MOSMO: variants seen among roughly 807,000 people sequenced by gnomAD.
The protein encoded by MOSMO is modulator of smoothened protein.
A neutral mutation model predicts 18.4 loss-of-function variants in MOSMO; 5 were observed. The observed-to-expected ratio is 0.27, with a 90% CI of 0.14 to 0.57. The LOEUF (loss-of-function observed/expected upper bound fraction) is 0.57. Among genes scored for constraint, MOSMO ranks in the 20% least tolerant of loss-of-function variants. The pLI, the probability that MOSMO is intolerant of heterozygous loss-of-function variation, is 0.92. For synonymous variants in MOSMO, 82 were observed against 82.3 expected, an observed-to-expected ratio of 1.00 and a Z score of 0.02; for missense variants, 138 against 211.8, an observed-to-expected ratio of 0.65 and a Z score of 2.16.
intron 1 of MOSMO, among the ~76,000 whole-genome samples, chr16:22,057,841 A>T (rs533468935): frequency 6.6e-6 from 1 of 152,332 alleles, no homozygotes; most frequent in African/African-American, 2.4e-5. Flanking sequence ...GAAGTGCAGG[A>T]GTTAGCAAGA....
chr16:22,072,652 A>C lies in MOSMO; in HGVS notation c.107-2835A>C, dbSNP rs565336579. 2.3e-4 allele frequency among the ~76,000 whole-genome samples: 35 copies of C among 152,248 alleles called. No homozygotes were observed. In the East Asian group the frequency reaches 5.0e-3, roughly 22 times the overall value. ...CGGTGAAACCCCGTCTCTACTAAAAATACAAAAAAATTAGCCGGGCGTAGT... is the reference window on the plus strand; with the variant it reads ...CGGTGAAACCCCGTCTCTACTAAAACTACAAAAAAATTAGCCGGGCGTAGT... On this transcript the variant is annotated intron_variant, in intron 1 of 2. Transcript: ENST00000542527.
At chr16:22,008,533 G>A (rs1456209815) in intron 1 of MOSMO, 126 bp downstream of exon 1, 3 of 615,712 alleles carry the variant, frequency 4.9e-6, no homozygotes, top group African/African-American at 1.9e-5. Context: ...GGAGACCGGG[G>A]GCGGAGGGGA....
intron 1 of MOSMO, among the ~76,000 whole-genome samples, chr16:22,061,732 G>C (rs1030574137): frequency 6.6e-6 from 1 of 152,300 alleles, no homozygotes; most frequent in East Asian, 1.9e-4. Context: ...AAGATCATGA[G>C]AAACCTTCTC....
intron 1 of MOSMO, among the ~76,000 whole-genome samples, chr16:22,055,726 G>A (rs1900519722): frequency 6.6e-6 from 1 of 152,096 alleles, no homozygotes; most frequent in Non-Finnish European, 1.5e-5. Context: ...AGTCTTTAAT[G>A]CAAATAAGTT....
chr16:22,038,479 G>T (rs975784070), intron 1 of MOSMO, among the ~76,000 whole-genome samples: 2 of 152,114 alleles, frequency 1.3e-5, no homozygotes, highest in African/African-American at 4.8e-5. Flanking sequence ...CATAACAGAG[G>T]GATAGATTTT....
intron 1 of MOSMO, among the ~76,000 whole-genome samples, chr16:22,073,061 CAG>C (rs1404575006): frequency 1.3e-5 from 2 of 152,048 alleles, no homozygotes; most frequent in Non-Finnish European, 2.9e-5. Context: ...GTGTGCTAGA[CAG>C]AGGAGGAGGA....
chr16:22,051,757 G>T (rs1459188441), intron 1 of MOSMO, among the ~76,000 whole-genome samples: 2 of 152,160 alleles, frequency 1.3e-5, no homozygotes, highest in African/African-American at 4.8e-5. Flanking sequence ...AGTTTTGGAG[G>T]CCCCGGCTTG....
downstream of MOSMO, among the ~76,000 whole-genome samples, chr16:22,091,574 A>G (rs1901327609): frequency 6.6e-6 from 1 of 152,070 alleles, no homozygotes; most frequent in African/African-American, 2.4e-5. Context: ...TTATTTTTGT[A>G]GAGACAGAGT....
intron 1 of MOSMO, among the ~76,000 whole-genome samples, chr16:22,063,801 A>G (rs534484388): frequency 1.3e-5 from 2 of 152,208 alleles, no homozygotes; most frequent in Admixed American, 6.5e-5. Context: ...AAGTCCTTAG[A>G]TGCACTATCA....
In MOSMO at chr16:22,084,444, C is replaced by T. The variant is rs1365596330; in HGVS notation, c.*3564C>T. On this transcript the variant is annotated 3_prime_UTR_variant, in exon 3 of 3. Coordinates refer to ENST00000542527, the MANE Select transcript of MOSMO (RefSeq NM_001164579.2). ...TACACAGGACTTTTAGTTGTATCAC[C>T]TCAAGAGATTTTGAAGTTTGTGATC... is the stretch of plus-strand genomic sequence containing the variant. 2 of 152,120 alleles carry T rather than the reference C, an allele frequency of 1.3e-5. No homozygotes were observed. The highest frequency in any genetic ancestry group is 2.9e-5 in the Non-Finnish European group (2 of 68,016). 9.4% of individuals were successfully genotyped at this position (152,120 alleles called of 1,614,324 possible).
chr16:22,037,266 G>A (rs772884168), intron 1 of MOSMO, among the ~76,000 whole-genome samples: 5 of 152,116 alleles, frequency 3.3e-5, no homozygotes, highest in African/African-American at 4.8e-5. Context: ...ATGAGACTTG[G>A]TCTCTAAAAA....
chr16:22,020,373 C>CAA (rs1899733626), intron 1 of MOSMO, among the ~76,000 whole-genome samples: 1 of 145,866 alleles, frequency 6.9e-6, no homozygotes, highest in Admixed American at 6.9e-5. Context: ...CGGATCACTG[C>CAA]AACCTCCGCC....
At chr16:22,048,770 T>C (rs760447844) in intron 1 of MOSMO, among the ~76,000 whole-genome samples, 5 of 152,142 alleles carry the variant, frequency 3.3e-5, no homozygotes, top group Admixed American at 6.5e-5. Context: ...TTTTTCTTTA[T>C]GGGTTCAGGG....
chr16:22,008,816 C>G (rs867777403), intron 1 of MOSMO, among the ~76,000 whole-genome samples: 35 of 151,492 alleles, frequency 2.3e-4, no homozygotes, highest in Admixed American at 4.6e-4. Flanking sequence ...AATTAGAAAC[C>G]AGGCGGAGAG....
In MOSMO at chr16:22,009,804, C is replaced by CAAAAAAAAAAAAAAA. The variant is rs56313303; in HGVS notation, c.106+1416_106+1430dup. Among the ~76,000 whole-genome samples, 21 of 35,966 alleles carry CAAAAAAAAAAAAAAA rather than the reference C, an allele frequency of 5.8e-4. 1 individual carries two copies. Among genetic ancestry groups the CAAAAAAAAAAAAAAA allele is most frequent in the East Asian group, 2.5e-3 (2 of 792 alleles). The allele number at this position is 35,966 out of a possible 152,430, so 23.6% of individuals were successfully genotyped here. Reference sequence around the variant, plus strand: ...CGAAACCCCGTCTCTACTAAAAATACAAAAAAAAAAAAAAAAAAAAAAAAA... The same window carrying CAAAAAAAAAAAAAAA: ...CGAAACCCCGTCTCTACTAAAAATACAAAAAAAAAAAAAAAAAAAAAAAAAAAAAAAAAAAAAAAA... On this transcript the variant is annotated intron_variant, in intron 1 of 2. Coordinates refer to ENST00000542527, the MANE Select transcript of MOSMO (RefSeq NM_001164579.2).
At chr16:22,088,211 T>A (rs76328745), downstream of MOSMO, among the ~76,000 whole-genome samples, 1 of 152,128 alleles carries the variant, frequency 6.6e-6, no homozygotes, top group African/African-American at 2.4e-5. Flanking sequence ...AATTTTTTTT[T>A]ATAGAGATGG....
rs199921661 is a variant in MOSMO, at chr16:22,081,064, TAA to T, written c.*200_*201del. On this transcript the variant is annotated 3_prime_UTR_variant, in exon 3 of 3. Transcript: ENST00000542527. ...TTGTTCTCACTATGCACTTTGGATTTAAAAAAAAAAAAAAAAAGGAGAGCCTT... is the reference window on the plus strand; with the variant it reads ...TTGTTCTCACTATGCACTTTGGATTTAAAAAAAAAAAAAAAGGAGAGCCTT... 3,735 of 175,654 alleles carry T rather than the reference TAA, an allele frequency of 0.021. No homozygotes were observed. The highest frequency in any genetic ancestry group is 0.046 in the East Asian group (431 of 9,464). The allele number at this position is 175,654 out of a possible 1,614,324, so 10.9% of individuals were successfully genotyped here.
At chr16:22,070,674 C>T (rs565450160) in intron 1 of MOSMO, among the ~76,000 whole-genome samples, 3 of 151,600 alleles carry the variant, frequency 2.0e-5, no homozygotes, top group African/African-American at 7.2e-5. Flanking sequence ...TTTTTTTTGG[C>T]CAGTTTGCTA....
intron 1 of MOSMO, among the ~76,000 whole-genome samples, chr16:22,025,198 T>G (rs1899852426): frequency 6.6e-6 from 1 of 151,790 alleles, no homozygotes; most frequent in South Asian, 2.1e-4. Flanking sequence ...AGCAGCATGA[T>G]TTTGGGCAAC....
Sources: allele counts gnomAD v4.1 joint callset (sites outside exome capture counted in the v4.1 genomes callset), GRCh38; gene constraint gnomAD v4.1.1; transcripts MANE v1.5; gene names NCBI Gene and HGNC (gene_info 2026-07-23, HGNC 2026-07-21).